SYT12: variants seen among roughly 807,000 people sequenced by gnomAD.
SYT12 encodes synaptotagmin 12.
A neutral mutation model predicts 39.5 loss-of-function variants in SYT12; 27 were observed. The observed-to-expected ratio is 0.68, with a 90% CI of 0.50 to 0.94. The LOEUF (loss-of-function observed/expected upper bound fraction) is 0.94, where lower values mean the gene tolerates loss of function less well. SYT12 is among the 40% of genes least tolerant of loss of function. SYT12 has a pLI of 0.00. For missense variants in SYT12, 536 were observed against 572.6 expected, an observed-to-expected ratio of 0.94 and a Z score of 0.65; for synonymous variants, 233 against 239.7, an observed-to-expected ratio of 0.97 and a Z score of 0.26.
intron 1 of SYT12, among the ~76,000 whole-genome samples, chr11:67,025,014 A>T (rs951947106): frequency 6.6e-6 from 1 of 152,240 alleles, no homozygotes; most frequent in African/African-American, 2.4e-5. Flanking sequence ...AGCTGGGGGA[A>T]GTGGGGGGCT....
upstream of SYT12, among the ~76,000 whole-genome samples, chr11:67,021,037 T>A (rs1180705391): frequency 6.6e-6 from 1 of 152,182 alleles, no homozygotes; most frequent in African/African-American, 2.4e-5. Context: ...TTCACTCGCC[T>A]TTCATTAGTG....
chr11:67,034,671 G>A lies in SYT12; in HGVS notation c.61G>A (p.Val21Met), dbSNP rs762680981. The change falls in exon 3 of 8, where the codon GTG becomes ATG. Residue 21 changes from valine (V) to methionine (M), a missense_variant. Transcript: ENST00000527043. Reference sequence around the variant, plus strand: ...CATCAAGAGCCCCCCTGGCTGGGAGGTGGGTGTCTATGCTGCAGGGGCCCT... The same window carrying A: ...CATCAAGAGCCCCCCTGGCTGGGAGATGGGTGTCTATGCTGCAGGGGCCCT... ...SVIKSPPGWE[V>M]GVYAAGALAL... 56 of 1,596,306 alleles carry A rather than the reference G, an allele frequency of 3.5e-5. No homozygotes were observed. The highest frequency in any genetic ancestry group is 4.1e-5 in the Non-Finnish European group (48 of 1,172,920).
chr11:67,041,308 C>A lies in SYT12; in HGVS notation c.621+1105C>A, dbSNP rs188977814. Among the ~76,000 whole-genome samples the A allele has an allele frequency of 6.4e-4, 98 of 152,042 alleles. No individual in the cohort carries two copies. The East Asian group carries it at 0.013, about 20-fold the overall frequency. ...CCAATATGGTGAAACCCCGTCTCTA[C>A]TAAAAATACAAAAATTAGCAGGGCA... On this transcript the variant is annotated intron_variant, in intron 4 of 7. Transcript: ENST00000527043.
At chr11:67,009,144 C>T (rs1428586041) in intron 1 of SYT12, among the ~76,000 whole-genome samples, 1 of 151,848 alleles carries the variant, frequency 6.6e-6, no homozygotes, top group African/African-American at 2.4e-5. Flanking sequence ...TAGCTGAGAC[C>T]GCAGGCATGT....
chr11:67,038,585 ATTC>A (rs1346267712), intron 3 of SYT12, among the ~76,000 whole-genome samples: 1 of 152,154 alleles, frequency 6.6e-6, no homozygotes, highest in East Asian at 1.9e-4. Flanking sequence ...ATTCTTACCC[ATTC>A]TTCTTCTGGG....
chr11:67,034,535 A>G, intron 2 of SYT12, 110 bp from the exon 3 acceptor site: 2 of 928,502 alleles, frequency 2.2e-6, no homozygotes, highest in South Asian at 1.8e-5. Flanking sequence ...CACCTAGCAC[A>G]TAGTAGGCAT....
At chr11:67,036,035 C>T (rs943501515) in intron 3 of SYT12, among the ~76,000 whole-genome samples, 19 of 151,646 alleles carry the variant, frequency 1.3e-4, no homozygotes, top group African/African-American at 2.7e-4. Context: ...CCACCTCAGC[C>T]TCCTGAGTAG....
At chr11:67,031,495 C>T (rs1261384585) in intron 2 of SYT12, 1 of 152,214 alleles carries the variant, frequency 6.6e-6, no homozygotes, top group Non-Finnish European at 1.5e-5. Flanking sequence ...TGCCTTGACT[C>T]CATGGGTTAA....
rs202114164 is a variant in SYT12 at position 67,040,154 on chromosome 11, T to C, written c.572T>C (p.Phe191Ser). Residue 191 changes from phenylalanine to serine, a missense_variant, in exon 4 of 8, where the codon TTC becomes TCC. By Grantham distance (155) the Phe-to-Ser change is radical. Transcript: ENST00000527043. ...EREEASFESC[F>S]MRVSLLPDEQ... ...GAGGAGGCCAGCTTCGAGTCCTGCTTCATGCGCGTCAGCCTGCTGCCGGAC... is the reference window on the plus strand; with the variant it reads ...GAGGAGGCCAGCTTCGAGTCCTGCTCCATGCGCGTCAGCCTGCTGCCGGAC... 5 of 1,602,714 alleles carry C rather than the reference T, an allele frequency of 3.1e-6. No homozygotes were observed. The highest frequency in any genetic ancestry group is 3.4e-5 in the Admixed American group (2 of 59,652).
intron 7 of SYT12, among the ~76,000 whole-genome samples, chr11:67,047,190 C>T (rs1490715753): frequency 6.6e-6 from 1 of 151,874 alleles, no homozygotes; most frequent in Admixed American, 6.6e-5. Flanking sequence ...GTCTTAAACT[C>T]CCAACCTTAG....
chr11:67,038,764 A>G (rs10896148), intron 3 of SYT12, among the ~76,000 whole-genome samples: 9,344 of 150,852 alleles, frequency 0.062, 875 homozygotes, highest in African/African-American at 0.21. Context: ...TGAGGCAGGC[A>G]GATCACAAGG....
In SYT12 at chr11:67,050,008, A is replaced by T. The variant is rs1854701951; in HGVS notation, c.*1251A>T. ...TGTTCTCAGAGAAACTTACCAGATC[A>T]AGAAAGGGAGCTCAGGCTGGATGGA... On this transcript the variant is annotated 3_prime_UTR_variant, in exon 8 of 8. Coordinates refer to ENST00000527043, the MANE Select transcript of SYT12 (RefSeq NM_177963.4). The T allele has an allele frequency of 2.0e-5, 3 of 152,206 alleles. No homozygotes were observed. In the South Asian group the frequency reaches 6.2e-4, roughly 32 times the overall value. 9.4% of individuals were successfully genotyped at this position (152,206 alleles called of 1,614,324 possible).
chr11:67,045,608 G>A (rs1209537666), intron 6 of SYT12, 136 bp from the exon 7 acceptor site: 1 of 1,211,344 alleles, frequency 8.3e-7, no homozygotes, highest in Non-Finnish European at 1.1e-6. Flanking sequence ...AATAATAAAG[G>A]ACCAATGGCA....
chr11:67,048,872 AGAGTCCTCAT>A lies in SYT12; in HGVS notation c.*118_*127del. Reference sequence around the variant, plus strand: ...GCCGTGAACACTGGGGTCCCCTGGCAGAGTCCTCATGACCCATCCTGGTCTCTCTGTCCAG... The same window carrying A: ...GCCGTGAACACTGGGGTCCCCTGGCAGACCCATCCTGGTCTCTCTGTCCAG... On this transcript the variant is annotated 3_prime_UTR_variant, in exon 8 of 8. Coordinates refer to ENST00000527043, the MANE Select transcript of SYT12 (RefSeq NM_177963.4). The A allele has an allele frequency of 8.0e-7, 1 of 1,252,662 alleles. No individual in the cohort carries two copies. The highest frequency in any genetic ancestry group is 2.2e-5 in the Admixed American group (1 of 45,998). 77.6% of individuals were successfully genotyped at this position (1,252,662 alleles called of 1,614,324 possible).
In SYT12 at chr11:67,037,836, C is replaced by T. The variant is rs986418646; in HGVS notation, c.229-1975C>T. 2.0e-5 allele frequency among the ~76,000 whole-genome samples: 3 copies of T among 149,628 alleles called. No homozygotes were observed. The South Asian group carries it at 6.3e-4, about 32-fold the overall frequency. Reference sequence around the variant, plus strand: ...GGTGGAGCTTGCAGTGAGCAGAGATCGCACCACTCTACTCCAGCCTGGGCG... The same window carrying T: ...GGTGGAGCTTGCAGTGAGCAGAGATTGCACCACTCTACTCCAGCCTGGGCG... On this transcript the variant is annotated intron_variant, in intron 3 of 7. Transcript: ENST00000527043.
intron 7 of SYT12, among the ~76,000 whole-genome samples, chr11:67,048,091 G>A (rs1193848735): frequency 6.7e-6 from 1 of 149,814 alleles, no homozygotes; most frequent in African/African-American, 2.4e-5. Flanking sequence ...GTGCCCGGCC[G>A]AAACCCCCAT....
At chr11:67,045,510 G>A in intron 6 of SYT12, 1 of 576,386 alleles carries the variant, frequency 1.7e-6, no homozygotes, top group Admixed American at 3.1e-5. Context: ...GGAGCGCGTG[G>A]GCTGTGAGGC....
chr11:67,026,254 TCTAA>T (rs1050292957), intron 1 of SYT12, among the ~76,000 whole-genome samples: 12 of 152,042 alleles, frequency 7.9e-5, no homozygotes, highest in African/African-American at 2.7e-4. Flanking sequence ...CCCCATATCT[TCTAA>T]CTTTCTTTTT....
At chr11:67,026,084 A>G (rs1019633404) in intron 1 of SYT12, among the ~76,000 whole-genome samples, 2 of 151,800 alleles carry the variant, frequency 1.3e-5, no homozygotes, top group African/African-American at 2.4e-5. Context: ...AAAAAAAAAA[A>G]GTAGCTCATT....
Sources: allele counts gnomAD v4.1 joint callset (sites outside exome capture counted in the v4.1 genomes callset), GRCh38; gene constraint gnomAD v4.1.1; transcripts MANE v1.5; gene names NCBI Gene and HGNC (gene_info 2026-07-23, HGNC 2026-07-21).